The following LGR6 variants were observed in gnomAD, a reference collection of about 807,000 sequenced individuals.
LGR6 encodes leucine rich repeat containing G protein-coupled receptor 6.
Under a neutral mutation model 69.4 loss-of-function variants are expected in LGR6, and 45 were observed. That is an observed-to-expected ratio of 0.65 (90% CI 0.51 to 0.83). The LOEUF (loss-of-function observed/expected upper bound fraction) is 0.83. Among genes scored for constraint, LGR6 ranks in the 40% least tolerant of loss-of-function variants. The pLI is 0.00. For missense variants in LGR6, 1,108 were observed against 1,246.7 expected, an observed-to-expected ratio of 0.89 and a Z score of 1.68; for synonymous variants, 538 against 555.0, an observed-to-expected ratio of 0.97 and a Z score of 0.43.
intron 2 of LGR6, among the ~76,000 whole-genome samples, chr1:202,227,262 G>A (rs1240278050): frequency 1.3e-5 from 2 of 152,100 alleles, no homozygotes; most frequent in East Asian, 3.8e-4. Context: ...ATGTCCCTGG[G>A]GACTTTGGAG....
At chr1:202,224,145 T>C (rs2147948379) in intron 1 of LGR6, among the ~76,000 whole-genome samples, 1 of 152,138 alleles carries the variant, frequency 6.6e-6, no homozygotes, top group East Asian at 2.0e-4. Flanking sequence ...AGTGCTCCTT[T>C]CTCTCTGTTT....
intron 4 of LGR6, among the ~76,000 whole-genome samples, chr1:202,243,002 C>T (rs561359529): frequency 1.1e-3 from 173 of 152,172 alleles, no homozygotes; most frequent in Non-Finnish European, 1.8e-3. Context: ...ATTTTATAGA[C>T]GAGCAAACTG....
chr1:202,309,454 C>T (rs1295556648), intron 15 of LGR6, among the ~76,000 whole-genome samples: 1 of 152,242 alleles, frequency 6.6e-6, no homozygotes, highest in African/African-American at 2.4e-5. Flanking sequence ...GATGTGAAGA[C>T]CCCCTAGCCC....
intron 4 of LGR6, among the ~76,000 whole-genome samples, chr1:202,244,071 C>T (rs1662441519): frequency 6.6e-6 from 1 of 152,158 alleles, no homozygotes; most frequent in South Asian, 2.1e-4. Flanking sequence ...AATTCTCCTG[C>T]CTCAGCCTCC....
intron 9 of LGR6, 93 bp downstream of exon 9, chr1:202,301,328 C>A: frequency 9.1e-7 from 1 of 1,094,078 alleles, no homozygotes; most frequent in Non-Finnish European, 1.4e-6. Flanking sequence ...GGATCTCTCC[C>A]TTGCAAGGCA....
intron 1 of LGR6, among the ~76,000 whole-genome samples, chr1:202,204,122 T>C (rs1041980292): frequency 6.6e-6 from 1 of 151,978 alleles, no homozygotes; most frequent in African/African-American, 2.4e-5. Context: ...GCAGGGGCCA[T>C]GCCTCCTCCT....
At chr1:202,199,284 A>T (rs1395907775) in intron 1 of LGR6, among the ~76,000 whole-genome samples, 1 of 151,716 alleles carries the variant, frequency 6.6e-6, no homozygotes, top group East Asian at 1.9e-4. Flanking sequence ...GGGTACAGTG[A>T]CTCCAGGAAG....
At position 202,319,590 on chromosome 1, in the gene LGR6, C is replaced by T. The variant is rs910823176; in HGVS notation, c.*383C>T. The T allele has an allele frequency of 4.1e-5, 8 of 192,994 alleles. No homozygotes were observed. Among genetic ancestry groups the T allele is most frequent in the Non-Finnish European group, 6.4e-5 (6 of 93,664 alleles). 12.0% of individuals were successfully genotyped at this position (192,994 alleles called of 1,614,324 possible). A position where few individuals can be genotyped will look rare whatever the true frequency, so the allele number is the denominator to read the frequency against. ...GAGAAAGGCCTGGAAGGTGATTTCC[C>T]GTGTGACTCATGGATAGGATACAAA... On this transcript the variant is annotated 3_prime_UTR_variant, in exon 18 of 18. Coordinates refer to ENST00000367278, the MANE Select transcript of LGR6 (RefSeq NM_001017403.2).
At chr1:202,197,876 C>A (rs751486819) in intron 1 of LGR6, among the ~76,000 whole-genome samples, 4 of 152,188 alleles carry the variant, frequency 2.6e-5, no homozygotes, top group Non-Finnish European at 5.9e-5. Context: ...CAAGGCTGAG[C>A]AGTGTCAGTA....
intron 7 of LGR6, among the ~76,000 whole-genome samples, chr1:202,299,852 C>T (rs952092359): frequency 8.5e-5 from 13 of 152,162 alleles, no homozygotes; most frequent in African/African-American, 2.4e-4. Flanking sequence ...GAGCCTGCTC[C>T]GCACAGGTTA....
intron 16 of LGR6, 22 bp from the exon 17 acceptor site, chr1:202,314,780 A>C: frequency 6.3e-7 from 1 of 1,596,372 alleles, no homozygotes; most frequent in Non-Finnish European, 8.6e-7. Context: ...AGGACCCTGC[A>C]TCACTTTGTC....
intron 1 of LGR6, among the ~76,000 whole-genome samples, chr1:202,220,871 A>G (rs1451908603): frequency 6.6e-6 from 1 of 152,086 alleles, no homozygotes; most frequent in African/African-American, 2.4e-5. Context: ...ACACAAACAC[A>G]TACACTCACA....
At chr1:202,224,620 G>C (rs936052309) in intron 1 of LGR6, among the ~76,000 whole-genome samples, 1 of 152,186 alleles carries the variant, frequency 6.6e-6, no homozygotes, top group African/African-American at 2.4e-5. Flanking sequence ...ATTAGTTAGA[G>C]TCTCATAAGG....
chr1:202,290,458 C>G lies in LGR6; in HGVS notation c.717-7050C>G, dbSNP rs948226361. ...TGCTATTTAGAGCCTAGCCAGGATC[C>G]AACTCTGTGTAGAATATAGGAAAGT... On this transcript the variant is annotated intron_variant, in intron 6 of 17. Transcript: ENST00000367278. Among the ~76,000 whole-genome samples the G allele has an allele frequency of 2.6e-5, 4 of 152,180 alleles. No homozygotes were observed. In the South Asian group the frequency reaches 8.3e-4, roughly 32 times the overall value.
chr1:202,215,020 T>TGTGCGC (rs144255206), intron 1 of LGR6, among the ~76,000 whole-genome samples: 140 of 135,912 alleles, frequency 1.0e-3, no homozygotes, highest in African/African-American at 3.2e-3. Flanking sequence ...TGTGTGTGTG[T>TGTGCGC]GCGCGCGCGC....
At chr1:202,281,108 T>C (rs1665971620) in intron 6 of LGR6, 2 of 443,214 alleles carry the variant, frequency 4.5e-6, no homozygotes, top group Non-Finnish European at 8.0e-6. Flanking sequence ...ACCTGGGATC[T>C]CCCTGTGGGC....
intron 4 of LGR6, among the ~76,000 whole-genome samples, chr1:202,271,830 G>A (rs1159748151): frequency 8.4e-5 from 9 of 107,286 alleles, no homozygotes; most frequent in African/African-American, 1.6e-4. Flanking sequence ...AAAAAAAAAA[G>A]AGAGAGGGGA....
intron 5 of LGR6, among the ~76,000 whole-genome samples, chr1:202,277,128 G>A (rs1454738788): frequency 1.3e-5 from 2 of 152,184 alleles, no homozygotes; most frequent in African/African-American, 4.8e-5. Flanking sequence ...TAAGTTCATA[G>A]GGTAATTACT....
chr1:202,238,085 G>GTTTTGT (rs200086385), intron 4 of LGR6, among the ~76,000 whole-genome samples: 82 of 150,654 alleles, frequency 5.4e-4, no homozygotes, highest in Middle Eastern at 3.4e-3. Flanking sequence ...TTTTTGTTTT[G>GTTTTGT]TTTTGTTTTT....
Sources: allele counts gnomAD v4.1 joint callset (sites outside exome capture counted in the v4.1 genomes callset), GRCh38; gene constraint gnomAD v4.1.1; transcripts MANE v1.5; gene names NCBI Gene and HGNC (gene_info 2026-07-23, HGNC 2026-07-21).